The following FAF1 variants were observed in gnomAD, a reference collection of about 807,000 sequenced individuals.
FAF1 encodes FAS-associated factor 1.
FAF1 carries 25 observed loss-of-function variants against 92.5 expected under a neutral mutation model. That is an observed-to-expected ratio of 0.27 (90% CI 0.20 to 0.38). The LOEUF is 0.38. FAF1 is among the 10% of genes least tolerant of loss of function. The pLI is 1.00. For missense variants in FAF1, 636 were observed against 793.3 expected, an observed-to-expected ratio of 0.80 and a Z score of 2.38; for synonymous variants, 234 against 273.2, an observed-to-expected ratio of 0.86 and a Z score of 1.42.
At chr1:50,701,497 C>T (rs1025132398) in intron 7 of FAF1, among the ~76,000 whole-genome samples, 1 of 152,034 alleles carries the variant, frequency 6.6e-6, no homozygotes, top group African/African-American at 2.4e-5. Flanking sequence ...ATAATTAGCA[C>T]AATCTGTGAA....
chr1:50,565,002 AC>A (rs1479044195), intron 13 of FAF1, among the ~76,000 whole-genome samples: 5 of 152,074 alleles, frequency 3.3e-5, no homozygotes, highest in African/African-American at 1.2e-4. Context: ...TTTTAAAAAA[AC>A]TTTTATGTTT....
At chr1:50,958,441 G>A (rs959433397) in intron 1 of FAF1, among the ~76,000 whole-genome samples, 1 of 152,150 alleles carries the variant, frequency 6.6e-6, no homozygotes, top group South Asian at 2.1e-4. Flanking sequence ...ACTTTGGGAG[G>A]CCGAGGAGGG....
chr1:50,850,650 TA>T (rs1557558394), intron 2 of FAF1, among the ~76,000 whole-genome samples: 1 of 151,974 alleles, frequency 6.6e-6, no homozygotes, highest in East Asian at 1.9e-4. Flanking sequence ...AACATCTTAT[TA>T]AAAGATAAAA....
intron 6 of FAF1, among the ~76,000 whole-genome samples, chr1:50,727,068 C>T (rs563610554): frequency 6.6e-6 from 1 of 152,354 alleles, no homozygotes; most frequent in South Asian, 2.1e-4. Flanking sequence ...CCATATTCTT[C>T]ACTCTGCCCT....
intron 8 of FAF1, chr1:50,607,043 T>C (rs576455883): frequency 4.6e-5 from 7 of 152,314 alleles, no homozygotes; most frequent in African/African-American, 1.4e-4. Flanking sequence ...AAGGTATCTC[T>C]GTCTGCTGCA....
intron 15 of FAF1, among the ~76,000 whole-genome samples, chr1:50,498,342 T>C (rs1038986719): frequency 6.6e-6 from 1 of 152,042 alleles, no homozygotes; most frequent in African/African-American, 2.4e-5. Context: ...TTCATGACCA[T>C]GGATTAGGCA....
At chr1:50,730,089 G>A (rs982948232) in intron 6 of FAF1, among the ~76,000 whole-genome samples, 2 of 152,110 alleles carry the variant, frequency 1.3e-5, no homozygotes, top group Non-Finnish European at 2.9e-5. Context: ...GGAGGGTGAA[G>A]GGGGTTGGAG....
chr1:50,664,828 G>T (rs988690612), intron 7 of FAF1, among the ~76,000 whole-genome samples: 4 of 151,658 alleles, frequency 2.6e-5, no homozygotes, highest in Non-Finnish European at 4.4e-5. Flanking sequence ...AAACAAACAG[G>T]TTATGTTTTC....
intron 14 of FAF1, among the ~76,000 whole-genome samples, chr1:50,539,199 A>G (rs566969172): frequency 5.6e-4 from 85 of 152,346 alleles, no homozygotes; most frequent in Non-Finnish European, 5.9e-5. Flanking sequence ...TCAATCTTCA[A>G]TATACAGTGA....
intron 7 of FAF1, among the ~76,000 whole-genome samples, chr1:50,663,196 TA>T (rs1181863069): frequency 6.6e-6 from 1 of 151,556 alleles, no homozygotes; most frequent in African/African-American, 2.4e-5. Flanking sequence ...AAAAAAAGGT[TA>T]ATTATTTTTC....
At chr1:50,593,022 C>T (rs1481657972) in intron 9 of FAF1, among the ~76,000 whole-genome samples, 4 of 151,668 alleles carry the variant, frequency 2.6e-5, no homozygotes, top group Non-Finnish European at 5.9e-5. Flanking sequence ...GCAGTAGAAT[C>T]ACTGGGTAGA....
chr1:50,810,941 A>G (rs746112699), intron 2 of FAF1, among the ~76,000 whole-genome samples: 1 of 152,162 alleles, frequency 6.6e-6, no homozygotes, highest in Non-Finnish European at 1.5e-5. Context: ...GCCATTCAGG[A>G]GGCTGAGGCA....
intron 1 of FAF1, among the ~76,000 whole-genome samples, chr1:50,883,329 A>G (rs937818282): frequency 6.6e-6 from 1 of 152,212 alleles, no homozygotes; most frequent in African/African-American, 2.4e-5. Flanking sequence ...GCAAAATGCT[A>G]AAGTATCACC....
chr1:50,603,532 C>A (rs187400540), intron 8 of FAF1, among the ~76,000 whole-genome samples: 94 of 152,216 alleles, frequency 6.2e-4, no homozygotes, highest in African/African-American at 2.1e-3. Context: ...AGTTTTAAAC[C>A]GAACTGAGTC....
chr1:50,535,188 G>C (rs1451984044), intron 15 of FAF1, among the ~76,000 whole-genome samples, 181 bp downstream of exon 15: 1 of 151,984 alleles, frequency 6.6e-6, no homozygotes, highest in African/African-American at 2.4e-5. Context: ...TTGGGTCTTG[G>C]GGTCATAAAA....
intron 17 of FAF1, among the ~76,000 whole-genome samples, chr1:50,479,259 A>G (rs1177179502): frequency 6.9e-6 from 1 of 144,252 alleles, no homozygotes; most frequent in Non-Finnish European, 1.5e-5. Flanking sequence ...ACACTGCTCT[A>G]CCTTCCTCTC....
intron 4 of FAF1, among the ~76,000 whole-genome samples, chr1:50,773,700 A>G (rs1569924530): frequency 1.3e-5 from 2 of 152,200 alleles, no homozygotes; most frequent in Non-Finnish European, 2.9e-5. Flanking sequence ...CTCCGTGGAT[A>G]AAGAGAAAAT....
intron 6 of FAF1, among the ~76,000 whole-genome samples, chr1:50,710,520 T>C (rs1275057075): frequency 6.6e-6 from 1 of 152,202 alleles, no homozygotes; most frequent in Non-Finnish European, 1.5e-5. Context: ...TAAAAGACCC[T>C]ATTTTAGGCA....
chr1:50,840,020 G>T (rs1456710745), intron 2 of FAF1, among the ~76,000 whole-genome samples: 1 of 151,728 alleles, frequency 6.6e-6, no homozygotes, highest in African/African-American at 2.4e-5. Flanking sequence ...TTCAAAACTG[G>T]TGCTAAAACA....
Sources: gnomAD v4.1 joint callset for allele counts (sites outside exome capture counted in the v4.1 genomes callset) on GRCh38, gnomAD v4.1.1 for gene constraint, MANE v1.5 for transcripts, NCBI Gene and HGNC (gene_info 2026-07-23, HGNC 2026-07-21) for gene names.